Variants in ADAMTS14 observed in about 807,000 individuals in gnomAD.
ADAMTS14 encodes the protein ADAM metallopeptidase with thrombospondin type 1 motif 14.
In ADAMTS14, 100 loss-of-function variants were observed where a neutral mutation model predicts 128.6. The ratio of observed to expected loss-of-function variants is 0.78; its 90% CI spans 0.66 to 0.92. ADAMTS14 has a LOEUF of 0.92. Ranked by LOEUF, ADAMTS14 falls within the 40% of genes least tolerant of loss-of-function variation. ADAMTS14 has a pLI of 0.00. For missense variants in ADAMTS14, 1,562 were observed against 1,658.6 expected (o/e 0.94, Z 1.01); for synonymous variants, 665 against 653.8 (o/e 1.02, Z -0.26).
intron 10 of ADAMTS14, among the ~76,000 whole-genome samples, chr10:70,737,386 A>G (rs897288029): frequency 1.3e-5 from 2 of 152,104 alleles, no homozygotes; most frequent in Non-Finnish European, 2.9e-5. Flanking sequence ...CACTGTGGTG[A>G]CCTTGGGCCG....
intron 4 of ADAMTS14, among the ~76,000 whole-genome samples, chr10:70,727,582 G>C (rs548637365): frequency 1.3e-5 from 2 of 151,818 alleles, no homozygotes; most frequent in African/African-American, 4.8e-5. Flanking sequence ...TCACATCCCT[G>C]ACTGCGCTGG....
At chr10:70,758,886 C>A (rs1434702040) in intron 21 of ADAMTS14, among the ~76,000 whole-genome samples, 2 of 152,174 alleles carry the variant, frequency 1.3e-5, no homozygotes, top group African/African-American at 4.8e-5. Flanking sequence ...ATTTACTGAG[C>A]AACTGCTACG....
At position 70,758,087 on chromosome 10, in the gene ADAMTS14, T is replaced by C. The variant is rs1391084773; in HGVS notation, c.3063T>C (p.Cys1021=). 2 of 1,612,406 alleles carry C rather than the reference T, an allele frequency of 1.2e-6. No individual in the cohort carries two copies. The highest frequency in any genetic ancestry group is 3.3e-5 in the Admixed American group (2 of 59,902). The change falls in exon 20 of 22, where the codon TGT becomes TGC. Residue 1021 remains cysteine (C), a synonymous_variant. Coordinates refer to ENST00000373207, the MANE Select transcript of ADAMTS14 (RefSeq NM_080722.4). ...DTVQVCSLPA[C]GGNHQNSTVR... ...TCCAGGTCTGCAGCCTGCCCGCCTGTGGAGGTGAGCCAGAGGGGATGGGGA... is the reference window on the plus strand; with the variant it reads ...TCCAGGTCTGCAGCCTGCCCGCCTGCGGAGGTGAGCCAGAGGGGATGGGGA...
intron 19 of ADAMTS14, among the ~76,000 whole-genome samples, chr10:70,756,151 T>C (rs1842475240): frequency 6.6e-6 from 1 of 152,206 alleles, no homozygotes; most frequent in Admixed American, 6.5e-5. Flanking sequence ...GCACTTCCAA[T>C]GGATGTCATT....
chr10:70,755,617 G>C (rs1331566604), intron 19 of ADAMTS14, among the ~76,000 whole-genome samples: 1 of 152,254 alleles, frequency 6.6e-6, no homozygotes, highest in Admixed American at 6.5e-5. Flanking sequence ...AGCCAAGGCA[G>C]GCAGATTGCC....
chr10:70,754,608 A>G (rs1383231533), intron 19 of ADAMTS14, among the ~76,000 whole-genome samples: 1 of 152,160 alleles, frequency 6.6e-6, no homozygotes, highest in Non-Finnish European at 1.5e-5. Flanking sequence ...AGAAGCCAAC[A>G]GGACAGTGGG....
chr10:70,713,769 G>T (rs1378346608), intron 4 of ADAMTS14, among the ~76,000 whole-genome samples: 7 of 152,180 alleles, frequency 4.6e-5, no homozygotes, highest in African/African-American at 1.4e-4. Flanking sequence ...CAGGACCTGT[G>T]CCCAGAAGGC....
At position 70,699,847 on chromosome 10, in the gene ADAMTS14, C is replaced by T. The variant is rs534438493; in HGVS notation, c.523-2465C>T. ...CTTCCACTTCCTGGTCTGGAGAGTTCGCCCTCTGCTAGGCAGCTTGAGAGG... is the reference window on the plus strand; with the variant it reads ...CTTCCACTTCCTGGTCTGGAGAGTTTGCCCTCTGCTAGGCAGCTTGAGAGG... On this transcript the variant is annotated intron_variant, in intron 2 of 21. Coordinates refer to ENST00000373207, the MANE Select transcript of ADAMTS14 (RefSeq NM_080722.4). Among the ~76,000 whole-genome samples the T allele has an allele frequency of 1.2e-3, 183 of 152,158 alleles. 1 individual carries two copies. The highest frequency in any genetic ancestry group is 4.1e-3 in the African/African-American group (171 of 41,512).
In ADAMTS14 at chr10:70,760,769, G is replaced by C; in HGVS notation, c.3588G>C (p.Thr1196=). 2 of 1,612,960 alleles carry C rather than the reference G, an allele frequency of 1.2e-6. No individual in the cohort carries two copies. The highest frequency in any genetic ancestry group is 1.7e-6 in the Non-Finnish European group (2 of 1,179,432). Residue 1196 remains threonine, a synonymous_variant, in exon 22 of 22, where the codon ACG becomes ACC. Coordinates refer to ENST00000373207, the MANE Select transcript of ADAMTS14 (RefSeq NM_080722.4). Reference sequence around the variant, plus strand: ...CTTGGGGCTGGACTCAGACACCTACGCCAGTCCCTGAGGACAAAGGGCAAC... The same window carrying C: ...CTTGGGGCTGGACTCAGACACCTACCCCAGTCCCTGAGGACAAAGGGCAAC... ...GLPWGWTQTP[T]PVPEDKGQPG...
At chr10:70,730,620 G>A (rs1034726426) in intron 6 of ADAMTS14, among the ~76,000 whole-genome samples, 65 of 152,158 alleles carry the variant, frequency 4.3e-4, no homozygotes, top group African/African-American at 1.5e-3. Context: ...GATGGGGCTT[G>A]TGTGGGCTGC....
intron 2 of ADAMTS14, among the ~76,000 whole-genome samples, chr10:70,688,008 G>A (rs1438419102): frequency 1.5e-4 from 9 of 60,916 alleles, no homozygotes; most frequent in East Asian, 9.7e-4. Context: ...GCTGCCGGGC[G>A]GAGACGCTCC....
intron 13 of ADAMTS14, 113 bp from the exon 14 acceptor site, chr10:70,743,953 T>A (rs1564552701): frequency 1.4e-6 from 2 of 1,385,702 alleles, no homozygotes; most frequent in Non-Finnish European, 1.9e-6. Context: ...TCCAGGGACA[T>A]CTCCCAGGCC....
chr10:70,754,373 C>T (rs1296470838), intron 19 of ADAMTS14, among the ~76,000 whole-genome samples: 1 of 152,246 alleles, frequency 6.6e-6, no homozygotes, highest in East Asian at 1.9e-4. Flanking sequence ...AGAGCTGATT[C>T]TTGCCCTCGT....
chr10:70,740,201 GC>G (rs140783437), intron 11 of ADAMTS14, among the ~76,000 whole-genome samples: 4,349 of 152,264 alleles, frequency 0.029, 65 homozygotes, highest in Non-Finnish European at 0.035. Flanking sequence ...AGTATGTCAA[GC>G]ACTTTGTGCT....
intron 4 of ADAMTS14, among the ~76,000 whole-genome samples, chr10:70,717,261 G>A (rs760120691): frequency 6.6e-6 from 1 of 152,180 alleles, no homozygotes. Context: ...AGCTTAGAGG[G>A]GGTGCTGTCC....
intron 2 of ADAMTS14, among the ~76,000 whole-genome samples, chr10:70,696,666 G>A (rs1248576014): frequency 6.6e-6 from 1 of 152,150 alleles, no homozygotes; most frequent in Non-Finnish European, 1.5e-5. Context: ...GGGAAGCGAG[G>A]ATGTAAGGAT....
At chr10:70,678,148 T>C (rs565550828) in intron 2 of ADAMTS14, among the ~76,000 whole-genome samples, 1 of 152,336 alleles carries the variant, frequency 6.6e-6, no homozygotes, top group African/African-American at 2.4e-5. Flanking sequence ...ATGAGGAAAC[T>C]GAGTCATAGG....
chr10:70,734,477 C>T (rs1423578992), intron 8 of ADAMTS14, among the ~76,000 whole-genome samples: 1 of 152,148 alleles, frequency 6.6e-6, no homozygotes, highest in Non-Finnish European at 1.5e-5. Context: ...ATCGACTTCT[C>T]AATGGATGAA....
intron 18 of ADAMTS14, 41 bp downstream of exon 18, chr10:70,752,268 C>T: frequency 1.2e-6 from 2 of 1,605,216 alleles, no homozygotes; most frequent in Non-Finnish European, 1.7e-6. Context: ...TGGTTCTATG[C>T]CTAGCCCGGG....
Sources: gnomAD v4.1 joint callset for allele counts (sites outside exome capture counted in the v4.1 genomes callset) on GRCh38, gnomAD v4.1.1 for gene constraint, MANE v1.5 for transcripts, NCBI Gene and HGNC (gene_info 2026-07-23, HGNC 2026-07-21) for gene names.